The following TMEM128 variants were observed in gnomAD, a reference collection of about 807,000 sequenced individuals.
The protein encoded by TMEM128 is transmembrane protein 128.
In TMEM128, 16 loss-of-function variants were observed where a neutral mutation model predicts 19.7. That is an observed-to-expected ratio of 0.81 (90% confidence interval 0.55 to 1.23). The LOEUF (loss-of-function observed/expected upper bound fraction) is 1.23, where lower values mean the gene tolerates loss of function less well. Among genes scored for constraint, TMEM128 ranks in the 50% most tolerant of loss-of-function variants. The probability of loss-of-function intolerance (pLI) is 0.00; values close to 1 mark genes in which losing one functional copy is unlikely to be tolerated. For missense variants in TMEM128, 237 were observed against 200.8 expected, an observed-to-expected ratio of 1.18 and a Z score of -1.09; for synonymous variants, 98 against 75.8, an observed-to-expected ratio of 1.29 and a Z score of -1.52.
intron 3 of TMEM128, among the ~76,000 whole-genome samples, chr4:4,238,613 G>A (rs1353251162): frequency 1.3e-5 from 2 of 152,052 alleles, no homozygotes; most frequent in Admixed American, 6.5e-5. Context: ...GTAAAACAAC[G>A]TATCTGCATG....
At chr4:4,247,666 T>C (rs139633853) in intron 1 of TMEM128, 1 of 1,614,140 alleles carries the variant, frequency 6.2e-7, no homozygotes, top group Non-Finnish European at 8.5e-7. Flanking sequence ...TCATCCCCAT[T>C]GGTACATACG....
In TMEM128 at chr4:4,238,383, C is replaced by A. The variant is rs545925507; in HGVS notation, c.399-448G>T. Among the ~76,000 whole-genome samples, 12 of 152,238 alleles carry A rather than the reference C, an allele frequency of 7.9e-5. No homozygotes were observed. The East Asian group carries it at 2.3e-3, about 29-fold the overall frequency. The stretch of plus-strand genomic sequence containing the variant: ...ATCTTTCATTGAGAAAAACACTATT[C>A]CTGTCATCAAAGTAAAATTAAAACA... On this transcript the variant is annotated intron_variant, in intron 3 of 4. Transcript: ENST00000382753.
In TMEM128 at chr4:4,240,311, G is replaced by C; in HGVS notation, c.398+10C>G. On this transcript the variant is annotated intron_variant, in intron 3 of 4. Coordinates refer to ENST00000382753, the MANE Select transcript of TMEM128 (RefSeq NM_001297551.2). ...GTTCATTCCTGTTAGTCATTTCAAA[G>C]TTAACTTACCAAATTCCTGCTGCAA... 1 of 1,612,708 alleles carries C rather than the reference G, an allele frequency of 6.2e-7. No homozygotes were observed. The highest frequency in any genetic ancestry group is 1.1e-5 in the South Asian group (1 of 90,862).
chr4:4,247,699 T>A, intron 1 of TMEM128: 1 of 1,603,704 alleles, frequency 6.2e-7, no homozygotes, highest in Non-Finnish European at 8.5e-7. Flanking sequence ...GTGTCAGGTA[T>A]ACATATACCC....
At chr4:4,244,018 C>T (rs766809670) in intron 2 of TMEM128, among the ~76,000 whole-genome samples, 26 of 152,202 alleles carry the variant, frequency 1.7e-4, no homozygotes, top group Middle Eastern at 3.2e-3. Flanking sequence ...TTACAAAGCA[C>T]ATACCATGCG....
intron 2 of TMEM128, among the ~76,000 whole-genome samples, chr4:4,245,543 C>T (rs185202438): frequency 1.9e-4 from 29 of 152,204 alleles, no homozygotes; most frequent in Admixed American, 6.5e-4. Flanking sequence ...CCCTCTTTTC[C>T]CCAAATGGAT....
At chr4:4,245,700 C>T (rs2916470) in intron 2 of TMEM128, among the ~76,000 whole-genome samples, 63,054 of 151,868 alleles carry the variant, frequency 0.42, 13,460 homozygotes, top group African/African-American at 0.48. Context: ...TATTGAAGTA[C>T]AATTGACAAA....
chr4:4,248,131 C>T lies in TMEM128; in HGVS notation c.72G>A (p.Leu24=). 6.5e-7 allele frequency: 1 copy of T among 1,534,932 alleles called. No individual in the cohort carries two copies. Among genetic ancestry groups the T allele is most frequent in the Non-Finnish European group, 8.7e-7 (1 of 1,142,964 alleles). Residue 24 remains leucine (L), a synonymous_variant, in exon 1 of 5, where the codon CTG becomes CTA. Transcript: ENST00000382753. ...FLLLPDAEAQ[L]DREGDAGPET... is the part of the protein sequence containing the mutation. ...CCGGCCCGGCGTCACCCTCGCGGTC[C>T]AGCTGGGCCTCGGCGTCCGGCAGGA...
intron 4 of TMEM128, among the ~76,000 whole-genome samples, 189 bp from the exon 5 acceptor site, chr4:4,236,445 C>G (rs557993724): frequency 6.6e-6 from 1 of 152,274 alleles, no homozygotes; most frequent in South Asian, 2.1e-4. Flanking sequence ...TAAGAGCTCC[C>G]AAACATCTGT....
rs561087002 is a variant in TMEM128 at position 4,248,143 on chromosome 4, G to T, written c.60C>A (p.Ala20=). 5.9e-6 allele frequency: 9 copies of T among 1,534,020 alleles called. No homozygotes were observed. The highest frequency in any genetic ancestry group is 7.9e-6 in the Non-Finnish European group (9 of 1,142,214). Residue 20 remains alanine, a synonymous_variant, in exon 1 of 5, where the codon GCC becomes GCA. Coordinates refer to ENST00000382753, the MANE Select transcript of TMEM128 (RefSeq NM_001297551.2). ...CACCCTCGCGGTCCAGCTGGGCCTC[G>T]GCGTCCGGCAGGAGGAGGAATCGCC... is the stretch of plus-strand genomic sequence containing the variant. ...LRRRFLLLPD[A]EAQLDREGDA... is the part of the protein sequence containing the mutation.
chr4:4,247,143 C>A (rs1309952556), intron 1 of TMEM128, among the ~76,000 whole-genome samples: 2 of 152,214 alleles, frequency 1.3e-5, no homozygotes, highest in Non-Finnish European at 2.9e-5. Flanking sequence ...CAGCACAGCA[C>A]TGTCTAGACA....
chr4:4,246,319 T>C lies in TMEM128; in HGVS notation c.122A>G (p.Lys41Arg), dbSNP rs765898726. 9 of 1,608,858 alleles carry C rather than the reference T, an allele frequency of 5.6e-6. No homozygotes were observed. In the African/African-American group the frequency reaches 1.2e-4, roughly 22 times the overall value. The change falls in exon 2 of 5, where the codon AAG becomes AGG. Residue 41 changes from lysine (K) to arginine (R), a missense_variant. Coordinates refer to ENST00000382753, the MANE Select transcript of TMEM128 (RefSeq NM_001297551.2). ...GPETSTAVEK[K>R]EKPLPRLNIH... ...ATTAAGTCTTGGAAGAGGTTTCTCC[T>C]TTTTCTCAACAGCTGTGGAGGTTTC... is the stretch of plus-strand genomic sequence containing the variant.
At chr4:4,242,693 AT>A (rs1718012282) in intron 2 of TMEM128, among the ~76,000 whole-genome samples, 1 of 151,764 alleles carries the variant, frequency 6.6e-6, no homozygotes, top group Non-Finnish European at 1.5e-5. Context: ...TAATTTTTGT[AT>A]TTTTAGTAGA....
Position 4,247,733 on chromosome 4 carries a change from C to T in TMEM128, c.97+373G>A. 5.7e-6 allele frequency: 9 copies of T among 1,581,538 alleles called. 1 individual carries two copies. The South Asian group carries it at 9.2e-5, about 16-fold the overall frequency. ...CCAAATTTACTTAAACAGCTTTCTGCTGACGGGCAAGGCAGATATTTCCAG... is the reference window on the plus strand; with the variant it reads ...CCAAATTTACTTAAACAGCTTTCTGTTGACGGGCAAGGCAGATATTTCCAG... On this transcript the variant is annotated intron_variant, in intron 1 of 4. Transcript: ENST00000382753.
At chr4:4,239,746 G>A (rs112429478) in intron 3 of TMEM128, among the ~76,000 whole-genome samples, 5 of 152,188 alleles carry the variant, frequency 3.3e-5, no homozygotes, top group Admixed American at 2.0e-4. Context: ...TGTTCCCGGC[G>A]ACAATATGAA....
At position 4,240,344 on chromosome 4, in the gene TMEM128, G is replaced by A. The variant is rs1023354238; in HGVS notation, c.375C>T (p.Ala125=). The A allele has an allele frequency of 6.2e-7, 1 of 1,613,770 alleles. No homozygotes were observed. The highest frequency in any genetic ancestry group is 1.7e-5 in the Admixed American group (1 of 59,938). The part of the protein sequence containing the change: ...KYPALIPITT[A]SFIAAGICFN... ...ACCAAATTCCTGCTGCAATAAAGGA[G>A]GCAGTGGTAATGGGTATCAAGGCTG... Residue 125 remains alanine (A), a synonymous_variant, in exon 3 of 5, where the codon GCC becomes GCT. Transcript: ENST00000382753.
At chr4:4,245,988 G>A (rs866475834) in intron 2 of TMEM128, among the ~76,000 whole-genome samples, 2 of 152,050 alleles carry the variant, frequency 1.3e-5, no homozygotes, top group African/African-American at 4.8e-5. Context: ...TCACTATACT[G>A]TATGTACATT....
At chr4:4,240,610 C>T (rs1717915344) in intron 2 of TMEM128, 131 bp from the exon 3 acceptor site, 1 of 983,900 alleles carries the variant, frequency 1.0e-6, no homozygotes, top group African/African-American at 1.6e-5. Flanking sequence ...CATACTTAAA[C>T]AATCCATGCT....
intron 3 of TMEM128, among the ~76,000 whole-genome samples, chr4:4,239,220 G>A (rs1397984320): frequency 1.3e-5 from 2 of 151,990 alleles, no homozygotes; most frequent in African/African-American, 4.8e-5. Context: ...AAAAAACCCT[G>A]TATTTTTCAT....
Sources: allele counts gnomAD v4.1 joint callset (sites outside exome capture counted in the v4.1 genomes callset), GRCh38; gene constraint gnomAD v4.1.1; transcripts MANE v1.5; gene names NCBI Gene and HGNC (gene_info 2026-07-23, HGNC 2026-07-21).